DIAPH2: variants seen among roughly 807,000 people sequenced by gnomAD.
The protein encoded by DIAPH2 is diaphanous related formin 2, also known as protein diaphanous homolog 2.
In DIAPH2, 35 loss-of-function variants were observed where a neutral mutation model predicts 92.7. The observed-to-expected ratio is 0.38, with a 90% CI of 0.29 to 0.50. The LOEUF is 0.50. Among genes scored for constraint, DIAPH2 ranks in the 20% least tolerant of loss-of-function variants. DIAPH2 has a pLI of 0.94. For synonymous variants in DIAPH2, 301 were observed against 280.4 expected (o/e 1.07, Z -0.73); for missense variants, 701 against 819.5 (o/e 0.86, Z 1.77).
chrX:96,800,776 C>T (rs1054038259), intron 4 of DIAPH2, among the ~76,000 whole-genome samples: 3 of 111,761 alleles, frequency 2.7e-5, no homozygotes, highest in Non-Finnish European at 5.6e-5. Flanking sequence ...GTGCAATCCC[C>T]GATACAATTA....
chrX:96,699,345 C>T (rs997701248), intron 1 of DIAPH2, among the ~76,000 whole-genome samples: 46 of 111,650 alleles, frequency 4.1e-4, no homozygotes, highest in African/African-American at 1.3e-3. Context: ...TATAGCATTC[C>T]CATGTCCCAA....
intron 15 of DIAPH2, among the ~76,000 whole-genome samples, chrX:96,957,298 G>A (rs755602931): frequency 3.6e-5 from 4 of 112,428 alleles, no homozygotes; most frequent in Non-Finnish European, 7.5e-5. Context: ...TAGGATTACA[G>A]GCGTGAGCCA....
At chrX:97,075,406 GC>G in intron 19 of DIAPH2, 145 bp downstream of exon 19, 2 of 346,115 alleles carry the variant, frequency 5.8e-6, no homozygotes, top group Non-Finnish European at 5.1e-6. Flanking sequence ...GGAATATCTA[GC>G]TGTGTTGATA....
intron 9 of DIAPH2, among the ~76,000 whole-genome samples, chrX:96,920,619 C>T (rs911919999): frequency 3.6e-5 from 4 of 111,699 alleles, no homozygotes; most frequent in African/African-American, 6.5e-5. Context: ...AATTTGAATA[C>T]GGCATTGCCT....
intron 23 of DIAPH2, among the ~76,000 whole-genome samples, chrX:97,266,000 T>TA (rs1284497255): frequency 8.9e-6 from 1 of 112,338 alleles, no homozygotes; most frequent in African/African-American, 3.2e-5. Context: ...ATTTATCACA[T>TA]ACGTTCCTAG....
At chrX:97,327,891 C>T (rs1161251141) in intron 23 of DIAPH2, among the ~76,000 whole-genome samples, 1 of 112,304 alleles carries the variant, frequency 8.9e-6, no homozygotes, top group Non-Finnish European at 1.9e-5. Flanking sequence ...TATGTTTAAC[C>T]CTTTTTCCAA....
intron 26 of DIAPH2, among the ~76,000 whole-genome samples, chrX:97,494,868 G>A (rs2070748110): frequency 8.9e-6 from 1 of 112,614 alleles, no homozygotes; most frequent in Non-Finnish European, 1.9e-5. Flanking sequence ...CTATCACAGT[G>A]GAAGAAGCAT....
intron 16 of DIAPH2, among the ~76,000 whole-genome samples, chrX:96,961,455 C>T (rs1448606985): frequency 3.4e-4 from 15 of 44,037 alleles, no homozygotes; most frequent in Middle Eastern, 0.015. Context: ...TCAGTTTTAT[C>T]TTTTCAAAAA....
intron 22 of DIAPH2, among the ~76,000 whole-genome samples, chrX:97,213,514 G>A (rs917510184): frequency 2.7e-5 from 3 of 111,602 alleles, no homozygotes; most frequent in African/African-American, 9.8e-5. Context: ...AGTTACCAAA[G>A]CCAACTAAAT....
rs1259003541 is a variant in DIAPH2, at chrX:97,409,268, T to A, written c.3146-20382T>A. 9.8e-5 allele frequency among the ~76,000 whole-genome samples: 11 copies of A among 111,888 alleles called. No homozygotes were observed. The East Asian group carries it at 3.1e-3, about 31-fold the overall frequency. Reference sequence around the variant, plus strand: ...TAGGGGTATGGTTGGGTGGGGAATTTGTCCACGATTAAATAAGTCTTAGAC... The same window carrying A: ...TAGGGGTATGGTTGGGTGGGGAATTAGTCCACGATTAAATAAGTCTTAGAC... On this transcript the variant is annotated intron_variant, in intron 25 of 26. Transcript: ENST00000324765.
intron 26 of DIAPH2, among the ~76,000 whole-genome samples, chrX:97,458,948 G>A (rs1433617949): frequency 9.0e-6 from 1 of 111,537 alleles, no homozygotes; most frequent in African/African-American, 3.3e-5. Context: ...TGGTCATGGG[G>A]ATCTTGAAAA....
At chrX:96,974,564 A>G (rs182459438) in intron 17 of DIAPH2, among the ~76,000 whole-genome samples, 30 of 112,082 alleles carry the variant, frequency 2.7e-4, no homozygotes, top group African/African-American at 9.1e-4. Flanking sequence ...ATAATGTCAT[A>G]TTACAAAATA....
At chrX:97,383,379 T>G (rs1364677857) in intron 24 of DIAPH2, among the ~76,000 whole-genome samples, 1 of 110,369 alleles carries the variant, frequency 9.1e-6, no homozygotes, top group Non-Finnish European at 1.9e-5. Context: ...CTAAGCACTT[T>G]ATGTTTGTAT....
At chrX:96,957,712 T>C (rs1431166990) in intron 15 of DIAPH2, 116 bp from the exon 16 acceptor site, 1 of 569,699 alleles carries the variant, frequency 1.8e-6, no homozygotes, top group East Asian at 3.7e-5. Context: ...TCTAAAAAAG[T>C]ATATATGATC....
At chrX:97,551,525 G>A (rs1294093964) in intron 26 of DIAPH2, among the ~76,000 whole-genome samples, 1 of 108,750 alleles carries the variant, frequency 9.2e-6, no homozygotes, top group Non-Finnish European at 1.9e-5. Flanking sequence ...GGGAGGTGGA[G>A]GTTGTAGTGA....
intron 4 of DIAPH2, among the ~76,000 whole-genome samples, chrX:96,840,716 C>T (rs1386865848): frequency 9.0e-6 from 1 of 110,850 alleles, no homozygotes; most frequent in East Asian, 2.8e-4. Flanking sequence ...TCACGCCATT[C>T]TCCTGCCTCA....
intron 26 of DIAPH2, chrX:97,533,384 C>T (rs1268271203): frequency 1.8e-5 from 2 of 111,550 alleles, no homozygotes; most frequent in Non-Finnish European, 3.8e-5. Flanking sequence ...GTTATGTCTT[C>T]TTAGTCTCCT....
intron 26 of DIAPH2, among the ~76,000 whole-genome samples, chrX:97,517,709 C>T (rs2070960188): frequency 8.9e-6 from 1 of 112,177 alleles, no homozygotes; most frequent in Non-Finnish European, 1.9e-5. Flanking sequence ...TCTGAGAAAC[C>T]AATAGCTTTT....
intron 25 of DIAPH2, among the ~76,000 whole-genome samples, chrX:97,403,845 C>T (rs1245017787): frequency 9.2e-6 from 1 of 108,551 alleles, no homozygotes; most frequent in Non-Finnish European, 1.9e-5. Context: ...TGTAATGGTA[C>T]AGATAATCCT....
Sources: allele counts gnomAD v4.1 joint callset (sites outside exome capture counted in the v4.1 genomes callset), GRCh38; gene constraint gnomAD v4.1.1; transcripts MANE v1.5; gene names NCBI Gene and HGNC (gene_info 2026-07-23, HGNC 2026-07-21).